The following DPP6 variants were observed in gnomAD, a reference collection of about 807,000 sequenced individuals.
DPP6 encodes the protein A-type potassium channel modulatory protein DPP6.
A neutral mutation model predicts 122.6 loss-of-function variants in DPP6; 69 were observed. The observed-to-expected ratio is 0.56, with a 90% CI of 0.46 to 0.69. DPP6 has a LOEUF of 0.69. DPP6 is among the 30% of genes least tolerant of loss of function. The probability of loss-of-function intolerance (pLI) is 0.00; values close to 1 mark genes in which losing one functional copy is unlikely to be tolerated. For missense variants in DPP6, 928 were observed against 1,116.9 expected (o/e 0.83, Z 2.41); for synonymous variants, 418 against 433.1 (o/e 0.97, Z 0.43).
chr7:154,512,710 T>A (rs1226948731), intron 3 of DPP6, among the ~76,000 whole-genome samples: 1 of 152,186 alleles, frequency 6.6e-6, no homozygotes, highest in Non-Finnish European at 1.5e-5. Context: ...AGTGAAATCA[T>A]CATCTTAGGG....
chr7:154,516,468 C>G (rs1826520146), intron 3 of DPP6, among the ~76,000 whole-genome samples: 1 of 152,186 alleles, frequency 6.6e-6, no homozygotes, highest in Non-Finnish European at 1.5e-5. Flanking sequence ...CTCACATGCA[C>G]TGACTCAAGA....
intron 5 of DPP6, among the ~76,000 whole-genome samples, chr7:154,596,109 C>T (rs1833077034): frequency 6.6e-6 from 1 of 152,198 alleles, no homozygotes; most frequent in African/African-American, 2.4e-5. Context: ...GTAGGATTTG[C>T]ACTTTGGTGC....
intron 1 of DPP6, among the ~76,000 whole-genome samples, chr7:154,370,003 G>T (rs757463651): frequency 2.7e-4 from 18 of 65,992 alleles, no homozygotes; most frequent in South Asian, 1.1e-3. Flanking sequence ...TATTTATTTA[G>T]ATAGAGTCTC....
At chr7:154,136,214 G>C (rs994152397) in intron 1 of DPP6, among the ~76,000 whole-genome samples, 2 of 152,110 alleles carry the variant, frequency 1.3e-5, no homozygotes, top group Admixed American at 1.3e-4. Flanking sequence ...TTACATAGAA[G>C]GATTGTTGTT....
At chr7:154,213,505 G>A (rs1799846390) in intron 1 of DPP6, among the ~76,000 whole-genome samples, 2 of 152,164 alleles carry the variant, frequency 1.3e-5, no homozygotes, top group Non-Finnish European at 2.9e-5. Context: ...AATGTAATGT[G>A]GATACAAAAG....
intron 1 of DPP6, among the ~76,000 whole-genome samples, chr7:153,914,374 G>A (rs1283429462): frequency 6.6e-6 from 1 of 152,076 alleles, no homozygotes; most frequent in Non-Finnish European, 1.5e-5. Context: ...AATACATATG[G>A]CTAAGTCAGA....
At chr7:153,859,216 A>T in the DPP6 span, among the ~76,000 whole-genome samples, 1 of 152,158 alleles carries the variant, frequency 6.6e-6, no homozygotes, top group South Asian at 2.1e-4. Context: ...GCAGGGCTGG[A>T]TAAGATGGAG....
intron 1 of DPP6, among the ~76,000 whole-genome samples, chr7:154,405,369 G>T (rs1449191836): frequency 6.6e-6 from 1 of 152,166 alleles, no homozygotes; most frequent in Non-Finnish European, 1.5e-5. Flanking sequence ...TTTGTGACGT[G>T]CATGTACTGG....
intron 21 of DPP6, chr7:154,883,895 A>AT (rs1805765588): frequency 1.5e-5 from 1 of 65,770 alleles, no homozygotes; most frequent in Admixed American, 1.5e-4. Context: ...ATGCTCACAC[A>AT]CATTACATAC....
chr7:154,297,067 T>TG (rs201779518), intron 1 of DPP6, among the ~76,000 whole-genome samples: 1 of 135,286 alleles, frequency 7.4e-6, no homozygotes, highest in Non-Finnish European at 1.5e-5. Context: ...TATTCTGTTT[T>TG]TTTTTTTTTG....
intron 1 of DPP6, among the ~76,000 whole-genome samples, chr7:154,165,118 C>G (rs865881531): frequency 2.7e-5 from 4 of 149,540 alleles, no homozygotes; most frequent in Non-Finnish European, 5.9e-5. Flanking sequence ...AACTCGTCAT[C>G]TAGCATTAGG....
At chr7:154,236,263 A>C (rs1193452849) in intron 1 of DPP6, among the ~76,000 whole-genome samples, 1 of 152,226 alleles carries the variant, frequency 6.6e-6, no homozygotes, top group Non-Finnish European at 1.5e-5. Context: ...TACCTGGTAC[A>C]TTTTAAACAC....
At chr7:154,324,389 A>G (rs1808239924) in intron 1 of DPP6, among the ~76,000 whole-genome samples, 1 of 152,088 alleles carries the variant, frequency 6.6e-6, no homozygotes, top group South Asian at 2.1e-4. Flanking sequence ...ATGCAGATGC[A>G]GGCTGATGCC....
At chr7:154,196,003 T>C (rs892290628) in intron 1 of DPP6, among the ~76,000 whole-genome samples, 1 of 152,224 alleles carries the variant, frequency 6.6e-6, no homozygotes, top group Non-Finnish European at 1.5e-5. Flanking sequence ...CATGTACTCC[T>C]GTTGGTATTA....
At chr7:153,979,346 G>A (rs1796462323) in intron 1 of DPP6, among the ~76,000 whole-genome samples, 1 of 152,226 alleles carries the variant, frequency 6.6e-6, no homozygotes, top group African/African-American at 2.4e-5. Flanking sequence ...CTCTCTGTTT[G>A]TCTATTATTG....
intron 1 of DPP6, among the ~76,000 whole-genome samples, chr7:154,142,604 T>G (rs542251249): frequency 6.6e-6 from 1 of 152,344 alleles, no homozygotes; most frequent in East Asian, 1.9e-4. Flanking sequence ...CTTAGTTCTG[T>G]TCTTTTTCTA....
intron 16 of DPP6, among the ~76,000 whole-genome samples, chr7:154,820,066 C>T (rs557334911): frequency 6.6e-6 from 1 of 152,342 alleles, no homozygotes; most frequent in South Asian, 2.1e-4. Context: ...CTCATCCCTT[C>T]ATCACTGCCC....
intron 2 of DPP6, among the ~76,000 whole-genome samples, chr7:154,465,603 A>T (rs553201910): frequency 4.8e-4 from 73 of 152,382 alleles, no homozygotes; most frequent in African/African-American, 1.7e-3. Flanking sequence ...AACATATGAA[A>T]AAAAGTTCAT....
intron 6 of DPP6, among the ~76,000 whole-genome samples, chr7:154,645,318 G>A (rs1362295380): frequency 6.6e-6 from 1 of 152,048 alleles, no homozygotes; most frequent in African/African-American, 2.4e-5. Flanking sequence ...GCCCGCCTCG[G>A]CCTCCCAAAG....
Sources: allele counts gnomAD v4.1 joint callset (sites outside exome capture counted in the v4.1 genomes callset), GRCh38; gene constraint gnomAD v4.1.1; transcripts MANE v1.5; gene names NCBI Gene and HGNC (gene_info 2026-07-23, HGNC 2026-07-21).